Variants in HECTD3 observed in about 807,000 individuals in gnomAD.
HECTD3 encodes HECT domain E3 ubiquitin protein ligase 3.
A neutral mutation model predicts 109.3 loss-of-function variants in HECTD3; 72 were observed. The observed-to-expected ratio is 0.66, with a 90% confidence interval of 0.54 to 0.80. The LOEUF (loss-of-function observed/expected upper bound fraction) is 0.80, where lower values mean the gene tolerates loss of function less well. Ranked by LOEUF, HECTD3 falls within the 30% of genes least tolerant of loss-of-function variation. HECTD3 has a pLI of 0.00. For synonymous variants in HECTD3, 481 were observed against 471.8 expected, an observed-to-expected ratio of 1.02 and a Z score of -0.25; for missense variants, 1,041 against 1,165.2, an observed-to-expected ratio of 0.89 and a Z score of 1.55.
Position 45,003,935 on chromosome 1 carries a change from C to T in HECTD3, c.2349G>A (p.Glu783=). The change falls in exon 19 of 21, where the codon GAG becomes GAA. Residue 783 remains glutamate (E), a splice_region_variant and synonymous_variant. Transcript: ENST00000372172. The surrounding 1 kb of genome is among the most constrained non-coding windows in gnomAD (Gnocchi z 4.7). ...FWEALNNFTN[E]DRSRFLRFVT... is the part of the protein sequence containing the mutation. The stretch of plus-strand genomic sequence containing the variant: ...CAAAGCGCAGGAAGCGGCTCCGGTC[C>T]TCTGGAGGGAGAAGGAAATCAGTGC... 1.9e-6 allele frequency: 3 copies of T among 1,613,312 alleles called. No homozygotes were observed. The highest frequency in any genetic ancestry group is 2.2e-5 in the East Asian group (1 of 44,850).
Position 45,010,197 on chromosome 1 carries a change from T to C in HECTD3, c.623+4A>G. On this transcript the variant is annotated splice_donor_region_variant and intron_variant, in intron 3 of 20. Coordinates refer to ENST00000372172, the MANE Select transcript of HECTD3 (RefSeq NM_024602.6). Reference sequence around the variant, plus strand: ...TCCTCCCCACCCCATTCCAGCTCACTCACAGTAGCCTTTGTACAGCTTCTG... The same window carrying C: ...TCCTCCCCACCCCATTCCAGCTCACCCACAGTAGCCTTTGTACAGCTTCTG... The C allele has an allele frequency of 6.2e-7, 1 of 1,613,860 alleles. No individual in the cohort carries two copies. The highest frequency in any genetic ancestry group is 8.5e-7 in the Non-Finnish European group (1 of 1,179,936).
rs146576128 is a variant in HECTD3 at position 45,006,375 on chromosome 1, G to A, written c.1726-259C>T. Among the ~76,000 whole-genome samples, 7,987 of 150,036 alleles carry A rather than the reference G, an allele frequency of 0.053. 257 individuals are homozygous for A. Among genetic ancestry groups the A allele is most frequent in the East Asian group, 0.12 (593 of 5,060 alleles). ...GGCTGGAGTGCAGTGGCGTGATCTC[G>A]GCTCACTGCAACCTCCGTCTCCTGG... On this transcript the variant is annotated intron_variant, in intron 13 of 20. Coordinates refer to ENST00000372172, the MANE Select transcript of HECTD3 (RefSeq NM_024602.6). This position sits in a 1 kb window ranked among gnomAD's most constrained non-coding sequence, Gnocchi z 4.7.
At chr1:45,008,976 C>T (rs928021278) in intron 7 of HECTD3, among the ~76,000 whole-genome samples, 168 bp downstream of exon 7, 1 of 152,192 alleles carries the variant, frequency 6.6e-6, no homozygotes, top group Non-Finnish European at 1.5e-5. Flanking sequence ...CAGGCCTATA[C>T]CTGGCATGTC....
Position 45,009,401 on chromosome 1 carries a change from G to A in HECTD3, c.957C>T (p.Asn319=), listed in dbSNP as rs1644763877. 7 of 1,613,838 alleles carry A rather than the reference G, an allele frequency of 4.3e-6. No homozygotes were observed. The highest frequency in any genetic ancestry group is 5.9e-6 in the Non-Finnish European group (7 of 1,179,836). Residue 319 remains asparagine (N), a synonymous_variant, in exon 6 of 21, where the codon AAC becomes AAT. Coordinates refer to ENST00000372172, the MANE Select transcript of HECTD3 (RefSeq NM_024602.6). ...TGCTCACGTCACTCAGCTTCTTCAG[G>A]TTGTCCCCTTCACCCCCATAGACCA... ...RVVVYGGEGD[N]LKKLSDVSID...
chr1:45,004,548 T>C, intron 16 of HECTD3, 52 bp downstream of exon 16: 3 of 1,606,474 alleles, frequency 1.9e-6, no homozygotes, highest in Non-Finnish European at 2.6e-6. Context: ...TCCCAGGAGC[T>C]GGGGCTCAGG....
chr1:45,009,505 T>C (rs1252468209), intron 5 of HECTD3, 23 bp from the exon 6 acceptor site: 1 of 1,608,112 alleles, frequency 6.2e-7, no homozygotes. Context: ...AGTGTGAATA[T>C]GAGTCTTTGT....
chr1:45,002,651 A>C lies in HECTD3; in HGVS notation c.*841T>G, dbSNP rs927144550. The C allele has an allele frequency of 2.0e-5, 3 of 152,290 alleles. No homozygotes were observed. The highest frequency in any genetic ancestry group is 4.4e-5 in the Non-Finnish European group (3 of 68,120). The allele number at this position is 152,290 out of a possible 1,614,324, so 9.4% of individuals were successfully genotyped here. A position where few individuals can be genotyped will look rare whatever the true frequency, so the allele number is the denominator to read the frequency against. On this transcript the variant is annotated 3_prime_UTR_variant, in exon 21 of 21. Coordinates refer to ENST00000372172, the MANE Select transcript of HECTD3 (RefSeq NM_024602.6). ...ACGGTAAACTGGGGCAGGGGTGTGC[A>C]TAGCTCTAGGAACAGGTTTAAGGTC...
In HECTD3 at chr1:45,004,654, A is replaced by G; in HGVS notation, c.2088T>C (p.Arg696=). Residue 696 remains arginine (R), a synonymous_variant, in exon 16 of 21, where the codon CGT becomes CGC. Transcript: ENST00000372172. ...GAGIVVGYGD[R]SRFIQLVQKA... is the part of the protein sequence containing the mutation. Reference sequence around the variant, plus strand: ...TCTGGACCAGTTGGATGAAACGAGAACGGTCCCCATATCCCACGACGATGC... The same window carrying G: ...TCTGGACCAGTTGGATGAAACGAGAGCGGTCCCCATATCCCACGACGATGC... 6.2e-7 allele frequency: 1 copy of G among 1,614,134 alleles called. No individual in the cohort carries two copies. The highest frequency in any genetic ancestry group is 8.5e-7 in the Non-Finnish European group (1 of 1,180,026).
At position 45,006,262 on chromosome 1, in the gene HECTD3, C is replaced by T; in HGVS notation, c.1726-146G>A. 1.9e-6 allele frequency: 2 copies of T among 1,056,192 alleles called. No individual in the cohort carries two copies. The highest frequency in any genetic ancestry group is 2.8e-6 in the Non-Finnish European group (2 of 724,620). The allele number at this position is 1,056,192 out of a possible 1,614,324, so 65.4% of individuals were successfully genotyped here. ...AGTGGCTCCTCCTCTCCCTGTCTGC[C>T]CAGAGGTTGCCCTGAGCAACTCAGT... On this transcript the variant is annotated intron_variant, in intron 13 of 20. Transcript: ENST00000372172. The surrounding 1 kb of genome is among the most constrained non-coding windows in gnomAD (Gnocchi z 4.7).
Position 45,010,671 on chromosome 1 carries a change from C to A in HECTD3, c.405G>T (p.Leu135=). 6.3e-7 allele frequency: 1 copy of A among 1,582,018 alleles called. No homozygotes were observed. ...GGCACACCAGCAGCCAGCCTTCCTG[C>A]AGCCCGCAGTCGCCCAGGTGCTCTG... is the stretch of plus-strand genomic sequence containing the variant. ...QLAEHLGDCG[L]QEGWLLVCRP... The change falls in exon 2 of 21, where the codon CTG becomes CTT. Residue 135 remains leucine, a synonymous_variant. Coordinates refer to ENST00000372172, the MANE Select transcript of HECTD3 (RefSeq NM_024602.6).
At chr1:45,004,447 C>T (rs915629955) in intron 16 of HECTD3, 70 bp from the exon 17 acceptor site, 31 of 1,610,174 alleles carry the variant, frequency 1.9e-5, no homozygotes, top group Admixed American at 1.3e-4. Context: ...GGGGGCATCA[C>T]TGTGGCCTTT....
At chr1:45,008,845 C>T in intron 7 of HECTD3, 144 bp from the exon 8 acceptor site, 1 of 726,508 alleles carries the variant, frequency 1.4e-6, no homozygotes, top group Non-Finnish European at 2.3e-6. Flanking sequence ...CCTTCTATCA[C>T]CTGATTCTGA....
chr1:45,004,019 A>G (rs1416819765), intron 18 of HECTD3, 41 bp downstream of exon 18: 1 of 1,613,272 alleles, frequency 6.2e-7, no homozygotes, highest in South Asian at 1.1e-5. Context: ...ACTCAGCAGC[A>G]GAGTCCAAAC....
chr1:45,006,634 C>T lies in HECTD3; in HGVS notation c.1725+58G>A. 1 of 1,450,426 alleles carries T rather than the reference C, an allele frequency of 6.9e-7. No homozygotes were observed. The highest frequency in any genetic ancestry group is 1.2e-5 in the South Asian group (1 of 82,142). 89.8% of individuals were successfully genotyped at this position (1,450,426 alleles called of 1,614,324 possible). ...AGCTCAATCTGGCCCCCTCCTCTGCCCCCTTTCTAGCTCAATCTGGCACCT... is the reference window on the plus strand; with the variant it reads ...AGCTCAATCTGGCCCCCTCCTCTGCTCCCTTTCTAGCTCAATCTGGCACCT... On this transcript the variant is annotated intron_variant, in intron 13 of 20. Transcript: ENST00000372172. The surrounding 1 kb of genome is among the most constrained non-coding windows in gnomAD (Gnocchi z 4.7).
At position 45,010,675 on chromosome 1, in the gene HECTD3, C is replaced by T; in HGVS notation, c.401G>A (p.Gly134Glu). Residue 134 changes from glycine (G) to glutamate (E), a missense_variant, in exon 2 of 21, where the codon GGG (glycine) becomes GAG (glutamate). Transcript: ENST00000372172. ...CACCAGCAGCCAGCCTTCCTGCAGC[C>T]CGCAGTCGCCCAGGTGCTCTGCCAG... The part of the protein sequence containing the change: ...EQLAEHLGDC[G>E]LQEGWLLVCR... The T allele has an allele frequency of 6.3e-7, 1 of 1,574,912 alleles. No homozygotes were observed. Among genetic ancestry groups the T allele is most frequent in the Non-Finnish European group, 8.6e-7 (1 of 1,165,068 alleles).
chr1:45,005,625 G>A (rs753484288), intron 15 of HECTD3, 169 bp downstream of exon 15: 1 of 544,292 alleles, frequency 1.8e-6, no homozygotes, highest in Non-Finnish European at 3.3e-6. Context: ...GGGGCTAGAG[G>A]TCAGGATTTT....
At position 45,004,821 on chromosome 1, in the gene HECTD3, G is replaced by A; in HGVS notation, c.1936-15C>T. The A allele has an allele frequency of 6.2e-7, 1 of 1,609,422 alleles. No homozygotes were observed. Among genetic ancestry groups the A allele is most frequent in the South Asian group, 1.1e-5 (1 of 90,994 alleles). On this transcript the variant is annotated splice_polypyrimidine_tract_variant and intron_variant, in intron 15 of 20. Coordinates refer to ENST00000372172, the MANE Select transcript of HECTD3 (RefSeq NM_024602.6). Reference sequence around the variant, plus strand: ...AGGAGCTTCACCTAGGGGTTGGAGAGAGGCAGGGAGGTAACCTTTTCACTG... The same window carrying A: ...AGGAGCTTCACCTAGGGGTTGGAGAAAGGCAGGGAGGTAACCTTTTCACTG...
Position 45,009,382 on chromosome 1 carries a change from C to T in HECTD3, c.976G>A (p.Val326Met), listed in dbSNP as rs370539478. 264 of 1,612,736 alleles carry T rather than the reference C, an allele frequency of 1.6e-4. No homozygotes were observed. The highest frequency in any genetic ancestry group is 1.1e-3 in the South Asian group (101 of 90,980). Reference sequence around the variant, plus strand: ...CAGCGTGCTCACTCGTCAATGCTCACGTCACTCAGCTTCTTCAGGTTGTCC... The same window carrying T: ...CAGCGTGCTCACTCGTCAATGCTCATGTCACTCAGCTTCTTCAGGTTGTCC... ...EGDNLKKLSD[V>M]SIDETLIGDV... The change falls in exon 6 of 21, where the codon GTG (valine) becomes ATG (methionine). Residue 326 changes from valine (V) to methionine (M), a missense_variant. Physicochemically the swap from Val to Met is conservative, Grantham distance 21. Around this residue, in one of 2 missense-constraint regions of HECTD3, gnomAD observed 569 missense variants for 715.3 expected, o/e 0.80. Transcript: ENST00000372172.
At position 45,011,240 on chromosome 1, in the gene HECTD3, C is replaced by G; in HGVS notation, c.18G>C (p.Pro6=). 1.5e-6 allele frequency: 2 copies of G among 1,366,318 alleles called. No homozygotes were observed. Among genetic ancestry groups the G allele is most frequent in the South Asian group, 3.4e-5 (2 of 58,638 alleles). The allele number at this position is 1,366,318 out of a possible 1,614,324, so 84.6% of individuals were successfully genotyped here. A position where few individuals can be genotyped will look rare whatever the true frequency, so the allele number is the denominator to read the frequency against. The part of the protein sequence containing the change: MAGPG[P]GAVLESPRQL... ...GCCGGGGGGACTCCAGCACCGCGCC[C>G]GGGCCAGGACCCGCCATGGCGAAGT... Residue 6 remains proline, a synonymous_variant, in exon 1 of 21, where the codon CCG becomes CCC. Coordinates refer to ENST00000372172, the MANE Select transcript of HECTD3 (RefSeq NM_024602.6).
Sources: allele counts gnomAD v4.1 joint callset (sites outside exome capture counted in the v4.1 genomes callset), GRCh38; gene constraint gnomAD v4.1.1; regional missense constraint gnomAD v4.1.1; non-coding constraint Gnocchi (gnomAD v3.1); transcripts MANE v1.5; gene names NCBI Gene and HGNC (gene_info 2026-07-23, HGNC 2026-07-21).